Variants in GRM7 observed in about 807,000 individuals in gnomAD.
The protein encoded by GRM7 is metabotropic glutamate receptor 7.
A neutral mutation model predicts 84.5 loss-of-function variants in GRM7; 35 were observed. That is an observed-to-expected ratio of 0.41 (90% confidence interval 0.32 to 0.55). The LOEUF (loss-of-function observed/expected upper bound fraction) is 0.55, where lower values mean the gene tolerates loss of function less well. Among genes scored for constraint, GRM7 ranks in the 20% least tolerant of loss-of-function variants. The pLI is 0.19. For synonymous variants in GRM7, 487 were observed against 455.1 expected (o/e 1.07, Z -0.89); for missense variants, 1,003 against 1,194.6 (o/e 0.84, Z 2.36).
At chr3:7,479,044 T>A (rs990173405) in intron 7 of GRM7, among the ~76,000 whole-genome samples, 1 of 149,746 alleles carries the variant, frequency 6.7e-6, no homozygotes, top group Non-Finnish European at 1.5e-5. Flanking sequence ...TGGACCTCAG[T>A]GTACCCATAT....
At chr3:7,593,888 C>T (rs1390578826) in intron 8 of GRM7, among the ~76,000 whole-genome samples, 2 of 151,976 alleles carry the variant, frequency 1.3e-5, no homozygotes, top group East Asian at 1.9e-4. Flanking sequence ...GTTTCCCAAG[C>T]ACCTGCACAT....
chr3:6,939,307 A>G (rs541553111), intron 1 of GRM7, among the ~76,000 whole-genome samples: 1 of 152,288 alleles, frequency 6.6e-6, no homozygotes, highest in Non-Finnish European at 1.5e-5. Flanking sequence ...TCACATCATT[A>G]TCAATCAATA....
At chr3:7,268,954 G>C (rs1013468403) in intron 2 of GRM7, among the ~76,000 whole-genome samples, 1 of 152,154 alleles carries the variant, frequency 6.6e-6, no homozygotes. Context: ...ATTGTTTTGG[G>C]GAGGGAGAGC....
chr3:7,144,938 G>A (rs6782378), intron 1 of GRM7, among the ~76,000 whole-genome samples: 45,924 of 151,844 alleles, frequency 0.3, 7,000 homozygotes, highest in African/African-American at 0.33. Context: ...ATCGTGGACA[G>A]GCTGCATGGA....
chr3:7,103,080 T>A (rs533128802), intron 1 of GRM7, among the ~76,000 whole-genome samples: 23 of 151,886 alleles, frequency 1.5e-4, no homozygotes, highest in Non-Finnish European at 2.9e-4. Flanking sequence ...CTCTTGATAA[T>A]GTAACTGTTT....
intron 1 of GRM7, among the ~76,000 whole-genome samples, chr3:7,015,970 G>A (rs1695549792): frequency 6.6e-6 from 1 of 152,316 alleles, no homozygotes; most frequent in South Asian, 2.1e-4. Context: ...TTTGAAAGGA[G>A]TTCTAAAGGA....
chr3:7,237,801 C>T (rs1310046684), intron 2 of GRM7, among the ~76,000 whole-genome samples: 1 of 152,208 alleles, frequency 6.6e-6, no homozygotes, highest in Admixed American at 6.5e-5. Context: ...GCCCTACACA[C>T]ATCCTGCTGA....
chr3:7,409,588 GTTT>G, intron 4 of GRM7, among the ~76,000 whole-genome samples: 1 of 72,518 alleles, frequency 1.4e-5, no homozygotes, highest in Non-Finnish European at 4.6e-5. Flanking sequence ...GTTTTGTTTT[GTTT>G]TGTTTTGTTT....
chr3:7,548,912 A>T (rs17047580), intron 7 of GRM7, among the ~76,000 whole-genome samples: 105,256 of 152,110 alleles, frequency 0.69, 36,842 homozygotes, highest in African/African-American at 0.78. Context: ...CTTTTCACAG[A>T]GCCTAGAACT....
intron 2 of GRM7, among the ~76,000 whole-genome samples, chr3:7,190,176 A>G (rs1020427325): frequency 6.6e-6 from 1 of 152,140 alleles, no homozygotes; most frequent in Non-Finnish European, 1.5e-5. Flanking sequence ...CATTGACACT[A>G]TCTGCAAATA....
intron 1 of GRM7, among the ~76,000 whole-genome samples, chr3:6,976,075 T>C (rs1244890480): frequency 6.6e-6 from 1 of 152,188 alleles, no homozygotes; most frequent in African/African-American, 2.4e-5. Flanking sequence ...GCCTGGTCTC[T>C]CACTGAGCTT....
intron 1 of GRM7, among the ~76,000 whole-genome samples, chr3:6,905,514 C>CA (rs1696543056): frequency 6.6e-6 from 1 of 152,028 alleles, no homozygotes; most frequent in African/African-American, 2.4e-5. Context: ...AATGAATGAT[C>CA]AAAACATCTA....
chr3:6,957,353 C>G (rs1218861861), intron 1 of GRM7, among the ~76,000 whole-genome samples: 2 of 152,134 alleles, frequency 1.3e-5, no homozygotes, highest in Non-Finnish European at 2.9e-5. Flanking sequence ...TCAATGGCAG[C>G]CGAAGCCCCG....
chr3:7,186,634 T>C (rs1236978836), intron 2 of GRM7, among the ~76,000 whole-genome samples: 1 of 152,208 alleles, frequency 6.6e-6, no homozygotes, highest in Non-Finnish European at 1.5e-5. Context: ...TGTCTGTCTA[T>C]CTAATCTATC....
chr3:7,610,324 C>G (rs1696792210), intron 8 of GRM7, among the ~76,000 whole-genome samples: 1 of 152,200 alleles, frequency 6.6e-6, no homozygotes, highest in Non-Finnish European at 1.5e-5. Flanking sequence ...AATTGGACCC[C>G]CCAACACTAA....
chr3:7,629,711 C>A (rs994244575), intron 8 of GRM7, among the ~76,000 whole-genome samples: 1 of 152,126 alleles, frequency 6.6e-6, no homozygotes, highest in East Asian at 1.9e-4. Context: ...CAGAGCTTGC[C>A]GTCTAAAACC....
intron 1 of GRM7, 58 bp from the exon 2 acceptor site, chr3:7,146,394 A>C: frequency 7.9e-7 from 1 of 1,266,850 alleles, no homozygotes; most frequent in Non-Finnish European, 1.2e-6. Context: ...CATAAGTATA[A>C]ATGAGTCTCT....
At chr3:7,463,878 C>T (rs561326186) in intron 7 of GRM7, among the ~76,000 whole-genome samples, 44 of 152,198 alleles carry the variant, frequency 2.9e-4, no homozygotes, top group African/African-American at 1.0e-3. Context: ...AAGTACTAAG[C>T]AAGGAAGTGA....
At chr3:7,528,358 T>A (rs1397282945) in intron 7 of GRM7, among the ~76,000 whole-genome samples, 2 of 152,098 alleles carry the variant, frequency 1.3e-5, no homozygotes, top group Admixed American at 6.6e-5. Context: ...TTCTGTGGAA[T>A]TGGTTGTAAT....
Sources: gnomAD v4.1 joint callset for allele counts (sites outside exome capture counted in the v4.1 genomes callset) on GRCh38, gnomAD v4.1.1 for gene constraint, MANE v1.5 for transcripts, NCBI Gene and HGNC (gene_info 2026-07-23, HGNC 2026-07-21) for gene names.